The following CLYBL variants were observed in gnomAD, a reference collection of about 807,000 sequenced individuals.
The protein encoded by CLYBL is citramalyl-CoA lyase, mitochondrial.
A neutral mutation model predicts 38.9 loss-of-function variants in CLYBL; 31 were observed. The observed-to-expected ratio is 0.80, with a 90% confidence interval of 0.60 to 1.08. The LOEUF (loss-of-function observed/expected upper bound fraction) is 1.08, where lower values mean the gene tolerates loss of function less well. Ranked by LOEUF, CLYBL falls within the 50% of genes least tolerant of loss-of-function variation. The pLI, the probability that CLYBL is intolerant of heterozygous loss-of-function variation, is 0.00. For synonymous variants in CLYBL, 171 were observed against 158.6 expected (o/e 1.08, Z -0.59); for missense variants, 434 against 411.6 (o/e 1.05, Z -0.47).
chr13:99,763,656 G>A (rs1456571058), intron 1 of CLYBL, among the ~76,000 whole-genome samples: 1 of 150,666 alleles, frequency 6.6e-6, no homozygotes, highest in Non-Finnish European at 1.5e-5. Context: ...CCGAGTTCAA[G>A]CGATTCTCCT....
chr13:99,676,136 G>A (rs552307749), intron 1 of CLYBL, among the ~76,000 whole-genome samples: 55 of 150,254 alleles, frequency 3.7e-4, no homozygotes, highest in Non-Finnish European at 6.1e-4. Flanking sequence ...GATTACAGGC[G>A]TGAGCCACCA....
intron 1 of CLYBL, among the ~76,000 whole-genome samples, chr13:99,699,691 TCA>T: frequency 7.6e-6 from 1 of 131,298 alleles, no homozygotes; most frequent in East Asian, 2.2e-4. Flanking sequence ...AGACTCCGTC[TCA>T]AAAAAAAAAA....
At chr13:99,781,535 G>T (rs1340846802) in intron 2 of CLYBL, among the ~76,000 whole-genome samples, 2 of 152,092 alleles carry the variant, frequency 1.3e-5, no homozygotes, top group Non-Finnish European at 2.9e-5. Context: ...GAGTGCAGTG[G>T]CATGATCTGG....
intron 1 of CLYBL, among the ~76,000 whole-genome samples, chr13:99,649,618 C>A (rs1043582520): frequency 6.6e-6 from 1 of 152,186 alleles, no homozygotes. Context: ...GTAATCCCAG[C>A]ACTTTGGGAG....
At chr13:99,642,516 G>C (rs1238149406) in intron 1 of CLYBL, among the ~76,000 whole-genome samples, 1 of 150,286 alleles carries the variant, frequency 6.7e-6, no homozygotes, top group Admixed American at 6.6e-5. Flanking sequence ...CCAGGCTCAA[G>C]CAATCCTCCC....
At chr13:99,743,544 G>C (rs976528250) in intron 1 of CLYBL, among the ~76,000 whole-genome samples, 10 of 152,198 alleles carry the variant, frequency 6.6e-5, no homozygotes, top group African/African-American at 2.2e-4. Context: ...CAGAACAAAT[G>C]ATTAAAATGT....
rs561443060 is a variant in CLYBL at position 99,883,242 on chromosome 13, C to T, written c.928-8076C>T. Among the ~76,000 whole-genome samples, 6 of 152,156 alleles carry T rather than the reference C, an allele frequency of 3.9e-5. No homozygotes were observed. The East Asian group carries it at 5.8e-4, about 15-fold the overall frequency. ...GCAGCTAATAAATAGCAGAACCGAC[C>T]GGGCGCAGTGGCTTACCCCTGTAAT... On this transcript the variant is annotated intron_variant, in intron 7 of 8. Transcript: ENST00000339105.
At chr13:99,885,015 T>A (rs576814701) in intron 7 of CLYBL, 2 of 508,106 alleles carry the variant, frequency 3.9e-6, no homozygotes, top group South Asian at 3.0e-5. Context: ...GCATTCAGCC[T>A]TTTCCATCAT....
Position 99,701,927 on chromosome 13 carries a change from C to T in CLYBL, c.63-70897C>T, listed in dbSNP as rs528641733. Among the ~76,000 whole-genome samples, 5 of 152,286 alleles carry T rather than the reference C, an allele frequency of 3.3e-5. No individual in the cohort carries two copies. In the South Asian group the frequency reaches 1.0e-3, roughly 32 times the overall value. ...CCTCAGGTGATCTGCCCATCTTGGC[C>T]TCCCAAAGTGCTGAGGTTACATACT... On this transcript the variant is annotated intron_variant, in intron 1 of 8. Coordinates refer to ENST00000339105, the MANE Select transcript of CLYBL (RefSeq NM_206808.5).
In CLYBL at chr13:99,650,131, C is replaced by T. The variant is rs571690595; in HGVS notation, c.62+43374C>T. ...ACAAAAAATTAGCTGGGCGTGGTGG[C>T]GGGCGCCTATAGTCCCAGCTACTCG... On this transcript the variant is annotated intron_variant, in intron 1 of 8. Transcript: ENST00000339105. Among the ~76,000 whole-genome samples the T allele has an allele frequency of 3.0e-3, 456 of 151,998 alleles. 1 individual carries two copies. Among genetic ancestry groups the T allele is most frequent in the African/African-American group, 0.011 (439 of 41,488 alleles).
At position 99,812,418 on chromosome 13, in the gene CLYBL, A is replaced by C. The variant is rs9582346; in HGVS notation, c.249+39408A>C. ...ATTCCCTTCTGTGTAGTCTGAGTAC[A>C]GTTTCCAATGGAGACAGCCTGCAGT... On this transcript the variant is annotated intron_variant, in intron 2 of 8. Transcript: ENST00000339105. Among the ~76,000 whole-genome samples, 956 of 152,292 alleles carry C rather than the reference A, an allele frequency of 6.3e-3. 12 individuals carry two copies. Among genetic ancestry groups the C allele is most frequent in the African/African-American group, 0.022 (908 of 41,556 alleles).
chr13:99,615,238 C>G (rs1366256168), intron 1 of CLYBL, among the ~76,000 whole-genome samples: 1 of 152,192 alleles, frequency 6.6e-6, no homozygotes, highest in East Asian at 1.9e-4. Context: ...TTTCTGAAAA[C>G]AGCCTTTGGT....
chr13:99,811,373 T>C (rs772133872), intron 2 of CLYBL, among the ~76,000 whole-genome samples: 8 of 152,062 alleles, frequency 5.3e-5, no homozygotes, highest in Non-Finnish European at 1.2e-4. Flanking sequence ...CAGGCAGTAA[T>C]AATAAAACCG....
At position 99,864,811 on chromosome 13, in the gene CLYBL, T is replaced by G. The variant is rs768659762; in HGVS notation, c.541-7T>G. On this transcript the variant is annotated splice_polypyrimidine_tract_variant and splice_region_variant and intron_variant, in intron 4 of 8. Transcript: ENST00000339105. ...GTGAGACTTAGTTCTGTTCTGCTCT[T>G]TTACAGGCAGTGTGTGAAGAAACCC... 3 of 1,607,930 alleles carry G rather than the reference T, an allele frequency of 1.9e-6. No homozygotes were observed. In the South Asian group the frequency reaches 3.3e-5, roughly 18 times the overall value.
chr13:99,713,164 C>T (rs2139499681), intron 1 of CLYBL, among the ~76,000 whole-genome samples: 1 of 152,076 alleles, frequency 6.6e-6, no homozygotes, highest in African/African-American at 2.4e-5. Context: ...TTGAAAATCT[C>T]TTTCTTGAAG....
chr13:99,871,818 T>G (rs1212216246), intron 7 of CLYBL, among the ~76,000 whole-genome samples: 1 of 152,084 alleles, frequency 6.6e-6, no homozygotes, highest in East Asian at 1.9e-4. Flanking sequence ...TTGCCTCTTT[T>G]TAAGAGGATA....
At chr13:99,649,377 G>C (rs889038619) in intron 1 of CLYBL, among the ~76,000 whole-genome samples, 3 of 152,154 alleles carry the variant, frequency 2.0e-5, no homozygotes, top group African/African-American at 2.4e-5. Flanking sequence ...TCATATACTG[G>C]TGCAGGTGCA....
intron 1 of CLYBL, among the ~76,000 whole-genome samples, chr13:99,672,735 A>G (rs984069994): frequency 6.6e-6 from 1 of 152,044 alleles, no homozygotes; most frequent in Non-Finnish European, 1.5e-5. Flanking sequence ...GTACCACCAC[A>G]CTCCAGCCTG....
chr13:99,808,499 A>G (rs199645979), intron 2 of CLYBL, among the ~76,000 whole-genome samples: 1 of 151,952 alleles, frequency 6.6e-6, no homozygotes, highest in Non-Finnish European at 1.5e-5. Flanking sequence ...GACTTAAAAA[A>G]AAATTATAGA....
Sources: allele counts gnomAD v4.1 joint callset (sites outside exome capture counted in the v4.1 genomes callset), GRCh38; gene constraint gnomAD v4.1.1; transcripts MANE v1.5; gene names NCBI Gene and HGNC (gene_info 2026-07-23, HGNC 2026-07-21).